The following SGCE variants were observed in gnomAD, a reference collection of about 807,000 sequenced individuals.
SGCE encodes sarcoglycan epsilon.
SGCE carries 26 observed loss-of-function variants against 57.8 expected under a neutral mutation model. The ratio of observed to expected loss-of-function variants is 0.45; its 90% CI spans 0.33 to 0.62. SGCE has a LOEUF of 0.62. SGCE is among the 20% of genes least tolerant of loss of function. SGCE has a pLI of 0.02. For synonymous variants in SGCE, 183 were observed against 189.5 expected, an observed-to-expected ratio of 0.97 and a Z score of 0.28; for missense variants, 468 against 548.6, an observed-to-expected ratio of 0.85 and a Z score of 1.47.
At chr7:94,640,890 C>G (rs550391134) in intron 1 of SGCE, 1 of 152,178 alleles carries the variant, frequency 6.6e-6, no homozygotes, top group South Asian at 2.1e-4. Flanking sequence ...TCAGGTGATC[C>G]GCCTACCTCG....
At chr7:94,644,708 A>G (rs1194171709) in intron 1 of SGCE, 1 of 1,067,648 alleles carries the variant, frequency 9.4e-7, no homozygotes, top group Admixed American at 2.4e-5. Flanking sequence ...GAAGTTGGTT[A>G]TATAGCTCAC....
At chr7:94,615,098 C>G (rs1394433177) in intron 5 of SGCE, among the ~76,000 whole-genome samples, 1 of 152,146 alleles carries the variant, frequency 6.6e-6, no homozygotes, top group Admixed American at 6.5e-5. Context: ...CAGTAGCTCA[C>G]GCCTGTAAGC....
rs1271444866 is a variant in SGCE at position 94,656,080 on chromosome 7, A to G, written c.19T>C (p.Trp7Arg). 8.7e-6 allele frequency: 14 copies of G among 1,610,904 alleles called. No individual in the cohort carries two copies. The highest frequency in any genetic ancestry group is 1.3e-5 in the African/African-American group (1 of 74,822). Residue 7 changes from tryptophan (W) to arginine (R), a missense_variant, in exon 1 of 11, where the codon TGG (tryptophan) becomes CGG (arginine). Trp to Arg is a moderately radical substitution (Grantham distance 101, BLOSUM62 -3). Coordinates refer to ENST00000648936, the MANE Select transcript of SGCE (RefSeq NM_003919.3). MQLPRWWELGDPCAWTG... is the reference protein window; with the variant it reads MQLPRWRELGDPCAWTG... ...CAAGCACAGGGGTCTCCCAGCTCCC[A>G]CCACCGGGGCAATTGCATTCTTGGC...
chr7:94,651,949 T>C (rs1026182691), intron 1 of SGCE, among the ~76,000 whole-genome samples: 2 of 152,014 alleles, frequency 1.3e-5, no homozygotes, highest in Non-Finnish European at 2.9e-5. Flanking sequence ...TTTTTTTTTT[T>C]GTTTCTCGTA....
chr7:94,588,044 A>G (rs1797138733), intron 10 of SGCE: 1 of 1,366,096 alleles, frequency 7.3e-7, no homozygotes. Context: ...CTAGGAATCA[A>G]CCACTAATTA....
At chr7:94,641,420 T>G (rs941384889) in intron 1 of SGCE, among the ~76,000 whole-genome samples, 1 of 152,172 alleles carries the variant, frequency 6.6e-6, no homozygotes, top group Non-Finnish European at 1.5e-5. Context: ...AGAAGGTTGG[T>G]TATTTTAGTA....
chr7:94,646,991 C>A (rs1183977013), intron 1 of SGCE, among the ~76,000 whole-genome samples: 2 of 152,212 alleles, frequency 1.3e-5, no homozygotes, highest in East Asian at 3.8e-4. Flanking sequence ...GTCCTCGTGT[C>A]TTTCCATATT....
chr7:94,605,442 A>G (rs571922560), intron 5 of SGCE, among the ~76,000 whole-genome samples: 1 of 152,258 alleles, frequency 6.6e-6, no homozygotes, highest in Non-Finnish European at 1.5e-5. Context: ...CAATCTATTC[A>G]CCATATATCC....
chr7:94,587,724 A>G (rs1206946248), intron 10 of SGCE: 7 of 1,535,030 alleles, frequency 4.6e-6, no homozygotes, highest in Non-Finnish European at 6.1e-6. Context: ...GTAGGGAAAA[A>G]TTCTGATAAA....
At chr7:94,607,983 A>T (rs1800413744) in intron 5 of SGCE, among the ~76,000 whole-genome samples, 1 of 152,214 alleles carries the variant, frequency 6.6e-6, no homozygotes, top group South Asian at 2.1e-4. Context: ...GATAGAGCTG[A>T]TACTAAGATT....
intron 5 of SGCE, among the ~76,000 whole-genome samples, chr7:94,609,304 A>T (rs1344379196): frequency 6.6e-6 from 1 of 152,268 alleles, no homozygotes; most frequent in African/African-American, 2.4e-5. Flanking sequence ...AGGTGGGCAG[A>T]TCACTTGAGG....
intron 9 of SGCE, among the ~76,000 whole-genome samples, chr7:94,592,680 C>A (rs1190382446): frequency 6.6e-6 from 1 of 152,010 alleles, no homozygotes; most frequent in African/African-American, 2.4e-5. Context: ...GGGGGGAGTA[C>A]ACAATTATTT....
chr7:94,618,817 G>C lies in SGCE; in HGVS notation c.603C>G (p.Ile201Met). Residue 201 changes from isoleucine to methionine, a missense_variant, in exon 5 of 11, where the codon ATC becomes ATG. Transcript: ENST00000648936. ...TGCCACCCCTGTCTAGGGCCGATGT[G>C]ATGTTTATGGCGTTCAGGCGCTCTG... ...WQPERLNAIN[I>M]TSALDRGGRV... 1.2e-6 allele frequency: 2 copies of C among 1,614,060 alleles called. No homozygotes were observed. Among genetic ancestry groups the C allele is most frequent in the Non-Finnish European group, 1.7e-6 (2 of 1,179,978 alleles).
intron 4 of SGCE, chr7:94,620,548 T>C (rs1415574313): frequency 2.0e-5 from 3 of 152,228 alleles, no homozygotes; most frequent in Non-Finnish European, 4.4e-5. Context: ...AAATGTGTTA[T>C]GAGAAAGTTT....
intron 1 of SGCE, among the ~76,000 whole-genome samples, chr7:94,641,677 A>G (rs1256260362): frequency 6.6e-6 from 1 of 152,242 alleles, no homozygotes; most frequent in Non-Finnish European, 1.5e-5. Context: ...AATCAGAAGT[A>G]AAAGGCATAT....
At position 94,646,258 on chromosome 7, in the gene SGCE, A is replaced by G. The variant is rs115166025; in HGVS notation, c.109+9732T>C. ...AGAGGAAGCAATGCAGCAAAAGCAA[A>G]AAGTTATGTGTGAGCAAGACTCAAC... On this transcript the variant is annotated intron_variant, in intron 1 of 10. Coordinates refer to ENST00000648936, the MANE Select transcript of SGCE (RefSeq NM_003919.3). 5.7e-3 allele frequency among the ~76,000 whole-genome samples: 862 copies of G among 152,378 alleles called. 10 individuals are homozygous for G. The highest frequency in any genetic ancestry group is 0.02 in the African/African-American group (820 of 41,588).
intron 1 of SGCE, among the ~76,000 whole-genome samples, chr7:94,650,131 C>T (rs1042182319): frequency 6.6e-6 from 1 of 152,160 alleles, no homozygotes; most frequent in Non-Finnish European, 1.5e-5. Context: ...CAGGCAGAAA[C>T]CAGGCTAACC....
intron 9 of SGCE, among the ~76,000 whole-genome samples, chr7:94,592,532 T>C (rs1797846755): frequency 6.6e-6 from 1 of 152,184 alleles, no homozygotes; most frequent in Non-Finnish European, 1.5e-5. Flanking sequence ...ACTAAATTAT[T>C]AGCATTAATT....
chr7:94,605,787 C>A (rs6979891), intron 5 of SGCE, among the ~76,000 whole-genome samples: 20,452 of 152,018 alleles, frequency 0.13, 1,545 homozygotes, highest in South Asian at 0.25. Context: ...ACAAAGGCAA[C>A]AAACAGAAAA....
Sources: allele counts gnomAD v4.1 joint callset (sites outside exome capture counted in the v4.1 genomes callset), GRCh38; gene constraint gnomAD v4.1.1; transcripts MANE v1.5; gene names NCBI Gene and HGNC (gene_info 2026-07-23, HGNC 2026-07-21).